Variants in RFTN1 observed in about 807,000 individuals in gnomAD.
RFTN1 encodes raftlin.
Under a neutral mutation model 46.5 loss-of-function variants are expected in RFTN1, and 26 were observed. The ratio of observed to expected loss-of-function variants is 0.56; its 90% CI spans 0.41 to 0.78. The LOEUF (loss-of-function observed/expected upper bound fraction) is 0.78. RFTN1 is among the 30% of genes least tolerant of loss of function. The probability of loss-of-function intolerance (pLI) is 0.00; values close to 1 mark genes in which losing one functional copy is unlikely to be tolerated. For synonymous variants in RFTN1, 261 were observed against 284.2 expected (o/e 0.92, Z 0.82); for missense variants, 693 against 718.7 (o/e 0.96, Z 0.41).
intron 7 of RFTN1, among the ~76,000 whole-genome samples, chr3:16,331,919 G>A (rs562215784): frequency 4.5e-4 from 69 of 152,286 alleles, no homozygotes; most frequent in African/African-American, 1.3e-3. Flanking sequence ...TGATTTATCC[G>A]TCAAAATTTT....
chr3:16,397,796 T>C (rs74618218), intron 4 of RFTN1, among the ~76,000 whole-genome samples: 2 of 37,158 alleles, frequency 5.4e-5, no homozygotes, highest in Non-Finnish European at 9.1e-5. Flanking sequence ...CTCTCTCTCT[T>C]TCTTTTTTCT....
intron 6 of RFTN1, among the ~76,000 whole-genome samples, chr3:16,367,524 G>A (rs2073263112): frequency 6.6e-6 from 1 of 152,140 alleles, no homozygotes; most frequent in African/African-American, 2.4e-5. Flanking sequence ...CTATGGTGGC[G>A]CTCTAAGATA....
chr3:16,451,986 T>A lies in RFTN1; in HGVS notation c.146-17949A>T, dbSNP rs2075829445. Among the ~76,000 whole-genome samples the A allele has an allele frequency of 6.6e-6, 1 of 151,948 alleles. No individual in the cohort carries two copies. The highest frequency in any genetic ancestry group is 6.6e-5 in the Admixed American group (1 of 15,236). On this transcript the variant is annotated intron_variant, in intron 2 of 9. Coordinates refer to ENST00000334133, the MANE Select transcript of RFTN1 (RefSeq NM_015150.2). The surrounding 1 kb of genome is among the most constrained non-coding windows in gnomAD (Gnocchi z 4.2). ...GATCACTGAGTGGCCACTAAGTGAG[T>A]AATGGGTGGGTATATTATGGACAGC...
Position 16,449,597 on chromosome 3 carries a change from A to G in RFTN1, c.146-15560T>C, listed in dbSNP as rs1411189096. 6.6e-6 allele frequency among the ~76,000 whole-genome samples: 1 copy of G among 152,208 alleles called. No homozygotes were observed. Among genetic ancestry groups the G allele is most frequent in the African/African-American group, 2.4e-5 (1 of 41,454 alleles). ...AACCCTAATCACTTCACACATTGTTACTAACGTGACAGACTGTCATGTCCA... is the reference window on the plus strand; with the variant it reads ...AACCCTAATCACTTCACACATTGTTGCTAACGTGACAGACTGTCATGTCCA... On this transcript the variant is annotated intron_variant, in intron 2 of 9. Coordinates refer to ENST00000334133, the MANE Select transcript of RFTN1 (RefSeq NM_015150.2). The surrounding 1 kb of genome is among the most constrained non-coding windows in gnomAD (Gnocchi z 5.1).
In RFTN1 at chr3:16,345,840, GCA is replaced by G. The variant is rs2071671538; in HGVS notation, c.1146+12090_1146+12091del. ...TGTGCGCGCGCGCGTGCGCGCACGC[GCA>G]CATGTGCATGTGTATGTGTATAATC... On this transcript the variant is annotated intron_variant, in intron 7 of 9. Transcript: ENST00000334133. This position sits in a 1 kb window ranked among gnomAD's most constrained non-coding sequence, Gnocchi z 5.2. Among the ~76,000 whole-genome samples, 1 of 71,942 alleles carries G rather than the reference GCA, an allele frequency of 1.4e-5. No homozygotes were observed. Among genetic ancestry groups the G allele is most frequent in the Non-Finnish European group, 2.9e-5 (1 of 34,494 alleles). 47.2% of individuals were successfully genotyped at this position (71,942 alleles called of 152,430 possible).
In RFTN1 at chr3:16,418,155, GT is replaced by G. The variant is rs764345974; in HGVS notation, c.333-8673del. ...ATTGGTAATTATCACAGGCAAAACA[GT>G]TAACCCTCAAATCACTGACAAAGTG... On this transcript the variant is annotated intron_variant, in intron 3 of 9. Transcript: ENST00000334133. This position sits in a 1 kb window ranked among gnomAD's most constrained non-coding sequence, Gnocchi z 5.0. Among the ~76,000 whole-genome samples the G allele has an allele frequency of 2.7e-4, 41 of 152,314 alleles. 1 individual carries two copies. Among genetic ancestry groups the G allele is most frequent in the South Asian group, 1.5e-3 (7 of 4,824 alleles).
chr3:16,454,251 A>G (rs1248943747), intron 2 of RFTN1, among the ~76,000 whole-genome samples: 1 of 152,240 alleles, frequency 6.6e-6, no homozygotes, highest in Non-Finnish European at 1.5e-5. Context: ...GGAATTGCCA[A>G]ATTGCCCCAC....
intron 4 of RFTN1, 112 bp downstream of exon 4, chr3:16,409,263 C>T (rs893687181): frequency 8.5e-6 from 6 of 704,270 alleles, no homozygotes; most frequent in Admixed American, 6.6e-5. Context: ...TAGGTCACAG[C>T]TCTTGCATGG....
In RFTN1 at chr3:16,335,301, G is replaced by T. The variant is rs561082630; in HGVS notation, c.1147-8425C>A. 6.6e-6 allele frequency among the ~76,000 whole-genome samples: 1 copy of T among 152,202 alleles called. No homozygotes were observed. Among genetic ancestry groups the T allele is most frequent in the East Asian group, 1.9e-4 (1 of 5,188 alleles). ...GAGGGCTGGATTTCCTTGTGAGGGG[G>T]TGAGCAGAAGATGAACGAAAATGGG... On this transcript the variant is annotated intron_variant, in intron 7 of 9. Transcript: ENST00000334133. This position sits in a 1 kb window ranked among gnomAD's most constrained non-coding sequence, Gnocchi z 4.7.
At chr3:16,438,139 C>T (rs1340792546) in intron 2 of RFTN1, among the ~76,000 whole-genome samples, 1 of 152,148 alleles carries the variant, frequency 6.6e-6, no homozygotes, top group Non-Finnish European at 1.5e-5. Flanking sequence ...ATATTGGTCT[C>T]TACAGTTCAA....
chr3:16,341,292 C>T lies in RFTN1; in HGVS notation c.1147-14416G>A, dbSNP rs2071302716. 6.6e-6 allele frequency among the ~76,000 whole-genome samples: 1 copy of T among 152,220 alleles called. No individual in the cohort carries two copies. The highest frequency in any genetic ancestry group is 2.1e-4 in the South Asian group (1 of 4,834). On this transcript the variant is annotated intron_variant, in intron 7 of 9. Transcript: ENST00000334133. The surrounding 1 kb of genome is among the most constrained non-coding windows in gnomAD (Gnocchi z 4.7). ...ATACTTTACAATATGATCCAGCAAT[C>T]ATACTCCTTGGTATTTACCCAAATA... is the stretch of plus-strand genomic sequence containing the variant.
rs2073473238 is a variant in RFTN1, at chr3:16,370,951, A to G, written c.827-672T>C. On this transcript the variant is annotated intron_variant, in intron 5 of 9. Transcript: ENST00000334133. The surrounding 1 kb of genome is among the most constrained non-coding windows in gnomAD (Gnocchi z 5.5). ...TCCTTCATTTATAGCTCAGTTCTTC[A>G]GCAATCAATAATCACTGCCACCCAG... is the stretch of plus-strand genomic sequence containing the variant. 1 of 152,292 alleles carries G rather than the reference A, an allele frequency of 6.6e-6. No individual in the cohort carries two copies. Among genetic ancestry groups the G allele is most frequent in the Non-Finnish European group, 1.5e-5 (1 of 68,104 alleles). 9.4% of individuals were successfully genotyped at this position (152,292 alleles called of 1,614,324 possible). A position where few individuals can be genotyped will look rare whatever the true frequency, so the allele number is the denominator to read the frequency against.
intron 7 of RFTN1, among the ~76,000 whole-genome samples, chr3:16,343,617 G>A (rs1321117703): frequency 3.3e-5 from 5 of 152,194 alleles, no homozygotes; most frequent in Non-Finnish European, 7.3e-5. Flanking sequence ...AAGAAAACAG[G>A]GAGAAGTCCT....
chr3:16,368,918 A>G (rs1296151351), intron 6 of RFTN1, among the ~76,000 whole-genome samples: 6 of 152,194 alleles, frequency 3.9e-5, no homozygotes, highest in Non-Finnish European at 7.3e-5. Context: ...GGGCACTTCT[A>G]TTGGACAGCC....
intron 3 of RFTN1, chr3:16,416,329 C>A: frequency 1.3e-5 from 5 of 382,426 alleles, no homozygotes; most frequent in Non-Finnish European, 2.1e-5. Flanking sequence ...GGAGAAGCAA[C>A]TAAGACATCT....
chr3:16,510,753 C>A (rs748135783), intron 1 of RFTN1, among the ~76,000 whole-genome samples: 10 of 152,074 alleles, frequency 6.6e-5, no homozygotes, highest in Non-Finnish European at 7.4e-5. Context: ...CCTTTTTGAC[C>A]CAGCAATTTA....
rs1166438618 is a variant in RFTN1, at chr3:16,407,034, C to A, written c.441+2341G>T. The stretch of plus-strand genomic sequence containing the variant: ...GGGCCTTTCCCACTGGACAGATGGA[C>A]ATCTCCACTTGGGTACTACAGAAAC... On this transcript the variant is annotated intron_variant, in intron 4 of 9. Coordinates refer to ENST00000334133, the MANE Select transcript of RFTN1 (RefSeq NM_015150.2). This position sits in a 1 kb window ranked among gnomAD's most constrained non-coding sequence, Gnocchi z 4.0. 6.6e-6 allele frequency among the ~76,000 whole-genome samples: 1 copy of A among 152,176 alleles called. No individual in the cohort carries two copies. The highest frequency in any genetic ancestry group is 1.5e-5 in the Non-Finnish European group (1 of 68,032).
intron 6 of RFTN1, among the ~76,000 whole-genome samples, chr3:16,365,011 C>T (rs372824002): frequency 3.9e-4 from 59 of 152,326 alleles, no homozygotes; most frequent in Middle Eastern, 3.4e-3. Flanking sequence ...CAGTTTTTTA[C>T]GTGTGTGCTA....
In RFTN1 at chr3:16,320,370, T is replaced by TG. The variant is rs1450678078; in HGVS notation, c.1332+3005dup. On this transcript the variant is annotated intron_variant, in intron 9 of 9. Coordinates refer to ENST00000334133, the MANE Select transcript of RFTN1 (RefSeq NM_015150.2). This position sits in a 1 kb window ranked among gnomAD's most constrained non-coding sequence, Gnocchi z 4.5. ...TGCCACATCCTCGGTGTGCCAATCT[T>TG]GCAGTTTCTTTTCTTAAGTTTTAAT... Among the ~76,000 whole-genome samples, 1 of 152,238 alleles carries TG rather than the reference T, an allele frequency of 6.6e-6. No individual in the cohort carries two copies. The highest frequency in any genetic ancestry group is 1.5e-5 in the Non-Finnish European group (1 of 68,040).
Sources: allele counts gnomAD v4.1 joint callset (sites outside exome capture counted in the v4.1 genomes callset), GRCh38; gene constraint gnomAD v4.1.1; non-coding constraint Gnocchi (gnomAD v3.1); transcripts MANE v1.5; gene names NCBI Gene and HGNC (gene_info 2026-07-23, HGNC 2026-07-21).